GNB4: variants seen among roughly 807,000 people sequenced by gnomAD.
The protein encoded by GNB4 is guanine nucleotide-binding protein subunit beta-4.
A neutral mutation model predicts 45.2 loss-of-function variants in GNB4; 28 were observed. That is an observed-to-expected ratio of 0.62 (90% confidence interval 0.46 to 0.85). GNB4 has a LOEUF of 0.85. Among genes scored for constraint, GNB4 ranks in the 40% least tolerant of loss-of-function variants. The pLI is 0.00. For missense variants in GNB4, 321 were observed against 425.4 expected (o/e 0.75, Z 2.16); for synonymous variants, 132 against 143.7 (o/e 0.92, Z 0.58).
the GNB4 span, among the ~76,000 whole-genome samples, chr3:179,490,734 G>T: frequency 2.0e-5 from 3 of 152,148 alleles, no homozygotes; most frequent in Non-Finnish European, 4.4e-5. Context: ...TAAGCCCCCG[G>T]CCAATTGCAT....
At chr3:179,426,862 T>A (rs565162910) in intron 1 of GNB4, among the ~76,000 whole-genome samples, 22 of 152,172 alleles carry the variant, frequency 1.4e-4, no homozygotes, top group Non-Finnish European at 2.9e-4. Flanking sequence ...CCTCGACCAC[T>A]CTCTGGTCTA....
the GNB4 span, among the ~76,000 whole-genome samples, chr3:179,486,109 G>A: frequency 6.6e-6 from 1 of 151,294 alleles, no homozygotes; most frequent in Admixed American, 6.6e-5. Flanking sequence ...TATAACCCCA[G>A]CTACTCGGGA....
the GNB4 span, among the ~76,000 whole-genome samples, chr3:179,526,027 C>T: frequency 3.3e-5 from 5 of 152,280 alleles, no homozygotes; most frequent in South Asian, 1.0e-3. Context: ...TTTATTTCAC[C>T]TGGGTGCAGG....
the GNB4 span, among the ~76,000 whole-genome samples, chr3:179,473,415 T>A: frequency 1.3e-5 from 2 of 152,004 alleles, no homozygotes; most frequent in African/African-American, 4.8e-5. Flanking sequence ...TATGAATTAT[T>A]TCATTTATTT....
chr3:179,473,099 G>C, the GNB4 span, among the ~76,000 whole-genome samples: 1 of 152,130 alleles, frequency 6.6e-6, no homozygotes, highest in Non-Finnish European at 1.5e-5. Flanking sequence ...GGAGGTGGAG[G>C]TTGCAGTGAG....
At chr3:179,506,016 C>G in the GNB4 span, among the ~76,000 whole-genome samples, 1 of 152,194 alleles carries the variant, frequency 6.6e-6, no homozygotes, top group East Asian at 1.9e-4. Context: ...AATTAAGATA[C>G]AGGTTTATTA....
chr3:179,512,631 G>A, the GNB4 span, among the ~76,000 whole-genome samples: 1 of 152,136 alleles, frequency 6.6e-6, no homozygotes, highest in East Asian at 1.9e-4. Context: ...GGCAGGGTTG[G>A]ACTCTGGGAA....
intron 1 of GNB4, among the ~76,000 whole-genome samples, chr3:179,432,790 A>G (rs576502069): frequency 2.0e-5 from 3 of 152,340 alleles, no homozygotes; most frequent in African/African-American, 7.2e-5. Context: ...CAGAAGAGAA[A>G]GTCATCTAAC....
the GNB4 span, among the ~76,000 whole-genome samples, chr3:179,493,471 T>G: frequency 6.7e-6 from 1 of 149,036 alleles, no homozygotes; most frequent in African/African-American, 2.5e-5. Flanking sequence ...GCAGACTTGA[T>G]CAAACAGAAG....
At chr3:179,489,443 C>A in the GNB4 span, among the ~76,000 whole-genome samples, 1 of 151,928 alleles carries the variant, frequency 6.6e-6, no homozygotes, top group African/African-American at 2.4e-5. Context: ...TCAAGACCAG[C>A]CTGGGCAACA....
At chr3:179,508,491 G>A in the GNB4 span, among the ~76,000 whole-genome samples, 5 of 152,314 alleles carry the variant, frequency 3.3e-5, no homozygotes, top group Admixed American at 6.5e-5. Context: ...TTACATTTGC[G>A]AAAAGAAACT....
intron 1 of GNB4, 42 bp downstream of exon 1, chr3:179,451,304 G>T (rs1715867192): frequency 1.3e-5 from 2 of 151,396 alleles, no homozygotes; most frequent in South Asian, 2.1e-4. Flanking sequence ...ATCGCTTCGC[G>T]GGGCGCACCG....
In GNB4 at chr3:179,396,920, A is replaced by C. The variant is rs1714136842; in HGVS notation, c.*4293T>G. 2 of 152,194 alleles carry C rather than the reference A, an allele frequency of 1.3e-5. No homozygotes were observed. The highest frequency in any genetic ancestry group is 4.1e-4 in the South Asian group (2 of 4,834). 9.4% of individuals were successfully genotyped at this position (152,194 alleles called of 1,614,324 possible). A position where few individuals can be genotyped will look rare whatever the true frequency, so the allele number is the denominator to read the frequency against. ...CTGAAATGTACTTCACATTCTACTTAATCTAATTTAAAATATAAATTCATT... is the reference window on the plus strand; with the variant it reads ...CTGAAATGTACTTCACATTCTACTTCATCTAATTTAAAATATAAATTCATT... On this transcript the variant is annotated 3_prime_UTR_variant, in exon 10 of 10. Coordinates refer to ENST00000232564, the MANE Select transcript of GNB4 (RefSeq NM_021629.4).
intron 1 of GNB4, among the ~76,000 whole-genome samples, chr3:179,439,519 C>A (rs559875632): frequency 6.6e-6 from 1 of 152,124 alleles, no homozygotes; most frequent in Non-Finnish European, 1.5e-5. Context: ...TTGTGGGCCC[C>A]GAGATCTCTA....
chr3:179,463,748 G>A, the GNB4 span, among the ~76,000 whole-genome samples: 2 of 152,184 alleles, frequency 1.3e-5, no homozygotes, highest in African/African-American at 4.8e-5. Flanking sequence ...TAGCAAAATT[G>A]CTGGAGAATC....
At chr3:179,482,587 C>T in the GNB4 span, among the ~76,000 whole-genome samples, 1 of 152,206 alleles carries the variant, frequency 6.6e-6, no homozygotes, top group African/African-American at 2.4e-5. Flanking sequence ...TGCCTTGAGA[C>T]ATTGAGGCTG....
intron 4 of GNB4, among the ~76,000 whole-genome samples, chr3:179,416,990 G>A (rs1373103686): frequency 2.6e-5 from 4 of 152,248 alleles, no homozygotes; most frequent in Middle Eastern, 3.4e-3. Context: ...AGGATACATC[G>A]CCTGCTCTTG....
At chr3:179,446,623 G>C (rs754533395) in intron 1 of GNB4, among the ~76,000 whole-genome samples, 2 of 151,936 alleles carry the variant, frequency 1.3e-5, no homozygotes, top group African/African-American at 4.8e-5. Flanking sequence ...TGTGATCTAG[G>C]TTCTTGTATT....
chr3:179,501,829 T>G, the GNB4 span, among the ~76,000 whole-genome samples: 1 of 152,222 alleles, frequency 6.6e-6, no homozygotes. Context: ...TTCTCTATCT[T>G]TAAGAAGTTT....
Sources: allele counts gnomAD v4.1 joint callset (sites outside exome capture counted in the v4.1 genomes callset), GRCh38; gene constraint gnomAD v4.1.1; transcripts MANE v1.5; gene names NCBI Gene and HGNC (gene_info 2026-07-23, HGNC 2026-07-21).